FAM53A: variants seen among roughly 807,000 people sequenced by gnomAD.
FAM53A encodes family with sequence similarity 53 member A, also known as protein FAM53A.
Under a neutral mutation model 26.6 loss-of-function variants are expected in FAM53A, and 28 were observed. The observed-to-expected ratio is 1.05, with a 90% confidence interval of 0.78 to 1.45. FAM53A has a LOEUF of 1.45. Among genes scored for constraint, FAM53A ranks in the 40% most tolerant of loss-of-function variants. FAM53A has a pLI of 0.00. For synonymous variants in FAM53A, 290 were observed against 253.1 expected (o/e 1.15, Z -1.38); for missense variants, 650 against 575.8 (o/e 1.13, Z -1.32).
intron 1 of FAM53A, among the ~76,000 whole-genome samples, chr4:1,672,759 CTTTTTTTTTTTTTTTT>C (rs35045856): frequency 3.1e-5 from 2 of 64,832 alleles, no homozygotes; most frequent in East Asian, 5.6e-4. Context: ...CCTGAATTTC[CTTTTTTTTTTTTTTTT>C]TTTTTTTTTT....
At chr4:1,645,096 TG>T in intron 4 of FAM53A, 2 of 152,396 alleles carry the variant, frequency 1.3e-5, no homozygotes, top group Non-Finnish European at 2.9e-5. Flanking sequence ...CAGTCAAGGG[TG>T]GGGGGTGCTC....
At chr4:1,604,711 ACATTGCTCC>A in the FAM53A span, among the ~76,000 whole-genome samples, 1 of 151,822 alleles carries the variant, frequency 6.6e-6, no homozygotes, top group African/African-American at 2.4e-5. Context: ...CCCGGGACTA[ACATTGCTCC>A]CACGCCCTCC....
At chr4:1,680,991 GTGTCCA>G (rs1715395790) in intron 1 of FAM53A, among the ~76,000 whole-genome samples, 1 of 152,214 alleles carries the variant, frequency 6.6e-6, no homozygotes, top group South Asian at 2.1e-4. Flanking sequence ...TAATAAGCAT[GTGTCCA>G]TGTAGGTTCA....
the FAM53A span, among the ~76,000 whole-genome samples, chr4:1,575,987 G>A: frequency 3.3e-5 from 5 of 152,278 alleles, no homozygotes; most frequent in East Asian, 1.9e-4. Context: ...CCACCTGCCC[G>A]GCTGTGGGCT....
chr4:1,594,973 G>A, the FAM53A span, among the ~76,000 whole-genome samples: 1 of 152,246 alleles, frequency 6.6e-6, no homozygotes, highest in African/African-American at 2.4e-5. Flanking sequence ...GCCGGCCCCA[G>A]GCAAAGCCGT....
chr4:1,638,145 G>T (rs1159244572), downstream of FAM53A, among the ~76,000 whole-genome samples: 2 of 151,964 alleles, frequency 1.3e-5, no homozygotes, highest in Non-Finnish European at 2.9e-5. Context: ...CCGGCCTCAG[G>T]CAGGTGACCC....
chr4:1,630,982 G>T lies in FAM53A; in HGVS notation c.432-12871C>A, dbSNP rs1036746379. On this transcript the variant is annotated intron_variant, in intron 1 of 1. Coordinates refer to the FAM53A transcript ENST00000489029. The surrounding 1 kb of genome is among the most constrained non-coding windows in gnomAD (Gnocchi z 4.3). ...TGTTTGAGCCCCAGAGGTCAAGACT[G>T]CAGTGAGCCATGATCACACCACTGC... Among the ~76,000 whole-genome samples the T allele has an allele frequency of 6.6e-6, 1 of 152,224 alleles. No homozygotes were observed. Among genetic ancestry groups the T allele is most frequent in the Non-Finnish European group, 1.5e-5 (1 of 68,034 alleles).
At chr4:1,684,561 C>A (rs976904085), upstream of FAM53A, among the ~76,000 whole-genome samples, 5 of 151,716 alleles carry the variant, frequency 3.3e-5, no homozygotes, top group Non-Finnish European at 7.4e-5. Flanking sequence ...TGCGCGCGTG[C>A]GTGCCTGGCA....
chr4:1,675,141 A>C (rs1045698959), intron 1 of FAM53A, among the ~76,000 whole-genome samples: 2 of 152,230 alleles, frequency 1.3e-5, no homozygotes, highest in African/African-American at 4.8e-5. Flanking sequence ...AAAGGAGACA[A>C]AGGCCAGGAC....
At chr4:1,614,791 ATTG>A (rs922867298), downstream of FAM53A, among the ~76,000 whole-genome samples, 2 of 152,124 alleles carry the variant, frequency 1.3e-5, no homozygotes, top group South Asian at 2.1e-4. Context: ...GAGCGTGTAT[ATTG>A]ATCCCTTAAC....
the FAM53A span, among the ~76,000 whole-genome samples, chr4:1,575,205 C>A: frequency 6.6e-6 from 1 of 152,202 alleles, no homozygotes; most frequent in South Asian, 2.1e-4. Context: ...GCTTGCAGTC[C>A]CTGAGGAGGG....
intron 2 of FAM53A, among the ~76,000 whole-genome samples, chr4:1,661,440 A>G (rs1224812213): frequency 1.3e-5 from 2 of 151,884 alleles, no homozygotes; most frequent in African/African-American, 2.4e-5. Context: ...TGAGCACCAT[A>G]TTGCTAACCC....
At chr4:1,608,729 C>T in the FAM53A span, among the ~76,000 whole-genome samples, 1 of 152,216 alleles carries the variant, frequency 6.6e-6, no homozygotes, top group East Asian at 1.9e-4. Context: ...CATCACTCCC[C>T]GTCCTTCACC....
intron 1 of FAM53A, among the ~76,000 whole-genome samples, chr4:1,619,579 A>G (rs1224888927): frequency 1.3e-5 from 2 of 152,020 alleles, no homozygotes; most frequent in African/African-American, 4.8e-5. Flanking sequence ...CTGGGTCTAT[A>G]CCCTGCAATC....
the FAM53A span, among the ~76,000 whole-genome samples, chr4:1,598,742 G>A: frequency 6.6e-6 from 1 of 152,228 alleles, no homozygotes; most frequent in Non-Finnish European, 1.5e-5. Flanking sequence ...TTTAGTGATT[G>A]CTTCAATTTC....
chr4:1,607,841 G>A, the FAM53A span, among the ~76,000 whole-genome samples: 1 of 152,108 alleles, frequency 6.6e-6, no homozygotes. Context: ...TCGGGAGGCT[G>A]AGGCATGAGA....
rs1362109634 is a variant in FAM53A at position 1,640,919 on chromosome 4, C to T, written c.*374G>A. The T allele has an allele frequency of 9.3e-6, 4 of 428,298 alleles. No individual in the cohort carries two copies. Among genetic ancestry groups the T allele is most frequent in the Non-Finnish European group, 1.8e-5 (4 of 226,152 alleles). 26.5% of individuals were successfully genotyped at this position (428,298 alleles called of 1,614,324 possible). A position where few individuals can be genotyped will look rare whatever the true frequency, so the allele number is the denominator to read the frequency against. ...AGCAGCCATGGCCCCGACCAGCTCA[C>T]AGGAAACCTAGTCTGTGCCCCAGGG... On this transcript the variant is annotated 3_prime_UTR_variant, in exon 5 of 5. Transcript: ENST00000308132.
chr4:1,618,588 A>G (rs1447452639), intron 1 of FAM53A, among the ~76,000 whole-genome samples: 1 of 152,092 alleles, frequency 6.6e-6, no homozygotes, highest in Admixed American at 6.5e-5. Context: ...GGAAGACGGG[A>G]GGGGAGGCTG....
chr4:1,579,801 C>A, the FAM53A span, among the ~76,000 whole-genome samples: 1 of 152,176 alleles, frequency 6.6e-6, no homozygotes, highest in Non-Finnish European at 1.5e-5. Context: ...GGCGCGGCCC[C>A]AGCGCTGCGG....
Sources: allele counts gnomAD v4.1 joint callset (sites outside exome capture counted in the v4.1 genomes callset), GRCh38; gene constraint gnomAD v4.1.1; non-coding constraint Gnocchi (gnomAD v3.1); transcripts MANE v1.5; gene names NCBI Gene and HGNC (gene_info 2026-07-23, HGNC 2026-07-21).